The following ARHGEF5 variants were observed in gnomAD, a reference collection of about 807,000 sequenced individuals.
ARHGEF5 encodes Rho guanine nucleotide exchange factor (GEF) 5.
Under a neutral mutation model 104.0 loss-of-function variants are expected in ARHGEF5, and 11 were observed. The ratio of observed to expected loss-of-function variants is 0.11; its 90% confidence interval spans 0.07 to 0.18. The LOEUF (loss-of-function observed/expected upper bound fraction) is 0.18, where lower values mean the gene tolerates loss of function less well. Among genes scored for constraint, ARHGEF5 ranks in the 10% least tolerant of loss-of-function variants. The pLI, the probability that ARHGEF5 is intolerant of heterozygous loss-of-function variation, is 1.00. For missense variants in ARHGEF5, 165 were observed against 1,335.4 expected, an observed-to-expected ratio of 0.12 and a Z score of 13.66; for synonymous variants, 60 against 512.2, an observed-to-expected ratio of 0.12 and a Z score of 11.92.
intron 1 of ARHGEF5, among the ~76,000 whole-genome samples, chr7:144,360,016 G>A (rs1435382679): frequency 2.4e-5 from 3 of 125,462 alleles, no homozygotes; most frequent in Non-Finnish European, 5.2e-5. Flanking sequence ...TTTAGCAGAC[G>A]AGGTCAATAG....
chr7:144,377,315 G>A (rs1010125915), intron 13 of ARHGEF5, 125 bp downstream of exon 13: 1 of 1,517,632 alleles, frequency 6.6e-7, no homozygotes, highest in Non-Finnish European at 8.9e-7. Context: ...AAAATGTCAG[G>A]GTGGAAGATT....
At chr7:144,357,816 G>T (rs879608577) in intron 1 of ARHGEF5, among the ~76,000 whole-genome samples, 979 of 142,504 alleles carry the variant, frequency 6.9e-3, no homozygotes, top group Non-Finnish European at 0.011. Flanking sequence ...TCACACGTGG[G>T]TGAGGTTATG....
At chr7:144,377,269 G>A (rs1382528729) in intron 13 of ARHGEF5, 79 bp downstream of exon 13, 3 of 1,545,534 alleles carry the variant, frequency 1.9e-6, no homozygotes, top group Admixed American at 4.2e-5. Context: ...AAAGGGCTGG[G>A]TGGGAACTCT....
At chr7:144,361,120 C>T (rs1459861564) in intron 1 of ARHGEF5, among the ~76,000 whole-genome samples, 8 of 141,740 alleles carry the variant, frequency 5.6e-5, no homozygotes, top group Non-Finnish European at 1.1e-4. Flanking sequence ...CCCAGCTACT[C>T]GGGAGGCTGA....
At chr7:144,377,812 C>T (rs2053771920) in intron 13 of ARHGEF5, among the ~76,000 whole-genome samples, 1 of 152,166 alleles carries the variant, frequency 6.6e-6, no homozygotes. Context: ...CTACAAGGAA[C>T]CCTGGGAATG....
intron 1 of ARHGEF5, among the ~76,000 whole-genome samples, chr7:144,357,251 T>C (rs1357743585): frequency 3.2e-5 from 3 of 93,078 alleles, no homozygotes; most frequent in South Asian, 3.8e-4. Context: ...GATGAGATTG[T>C]AGAGTGTAAG....
At chr7:144,377,866 A>G (rs909911557) in intron 13 of ARHGEF5, among the ~76,000 whole-genome samples, 10 of 152,202 alleles carry the variant, frequency 6.6e-5, no homozygotes, top group African/African-American at 1.9e-4. Context: ...TAACTTGCTC[A>G]CTGTGCACTC....
chr7:144,373,945 G>A (rs2053741837), intron 10 of ARHGEF5, among the ~76,000 whole-genome samples: 1 of 124,960 alleles, frequency 8.0e-6, no homozygotes, highest in Non-Finnish European at 1.7e-5. Flanking sequence ...AGGTTCAAGC[G>A]ATTCTCATGC....
In ARHGEF5 at chr7:144,358,758, AGTGTGTGTGT is replaced by A. The variant is rs71222348; in HGVS notation, c.-13+3292_-13+3301del. ...TTGCAAGAGTTTGTAAGGATGGCTCAGTGTGTGTGTGTGTGTGTGTGTGTGTGTGTGTGTG... is the reference window on the plus strand; with the variant it reads ...TTGCAAGAGTTTGTAAGGATGGCTCAGTGTGTGTGTGTGTGTGTGTGTGTG... On this transcript the variant is annotated intron_variant, in intron 1 of 14. Transcript: ENST00000056217. Among the ~76,000 whole-genome samples the A allele has an allele frequency of 1.6e-3, 145 of 90,886 alleles. 9 individuals carry two copies. The Middle Eastern group carries it at 0.016, about 10-fold the overall frequency. The allele number at this position is 90,886 out of a possible 152,430, so 59.6% of individuals were successfully genotyped here.
chr7:144,375,899 C>A (rs529529465), intron 12 of ARHGEF5, among the ~76,000 whole-genome samples: 6 of 152,416 alleles, frequency 3.9e-5, no homozygotes, highest in African/African-American at 1.4e-4. Context: ...GGCTTAGCAT[C>A]TATTTTATAC....
chr7:144,379,818 A>G (rs1050929805), intron 14 of ARHGEF5, 81 bp from the exon 15 acceptor site: 67 of 1,564,324 alleles, frequency 4.3e-5, no homozygotes, highest in African/African-American at 6.8e-5. Flanking sequence ...GAGGATTCAG[A>G]AAACTCTCCA....
At chr7:144,358,758 AGTGT>A (rs71222348) in intron 1 of ARHGEF5, among the ~76,000 whole-genome samples, 4,757 of 90,342 alleles carry the variant, frequency 0.053, 262 homozygotes, top group African/African-American at 0.12. Context: ...AGGATGGCTC[AGTGT>A]GTGTGTGTGT....
intron 5 of ARHGEF5, among the ~76,000 whole-genome samples, chr7:144,370,773 CT>C (rs1219394677): frequency 6.9e-6 from 1 of 143,988 alleles, no homozygotes; most frequent in Non-Finnish European, 1.5e-5. Flanking sequence ...GTCTATTTAG[CT>C]TTTTTAATAT....
intron 13 of ARHGEF5, among the ~76,000 whole-genome samples, chr7:144,377,400 C>A (rs1371916365): frequency 6.6e-6 from 1 of 152,230 alleles, no homozygotes; most frequent in Admixed American, 6.5e-5. Context: ...CTTCCCCATA[C>A]ATTCCCTTCC....
intron 1 of ARHGEF5, among the ~76,000 whole-genome samples, chr7:144,361,238 A>G (rs1291333743): frequency 4.2e-3 from 27 of 6,370 alleles, no homozygotes; most frequent in South Asian, 0.026. Flanking sequence ...AAAAAAAAAA[A>G]AAAGAAAAGA....
rs1260854009 is a variant in ARHGEF5, at chr7:144,378,868, T to C, written c.4636+2T>C. On this transcript the variant is annotated splice_donor_variant, in intron 14 of 14. Transcript: ENST00000056217. LOFTEE classifies it high-confidence loss of function. ...TGGTGACTCAGCAGAGCAGTGACGG[T>C]AAGCGGGAGCATGCGTGAGCAGCAG... is the stretch of plus-strand genomic sequence containing the variant. The C allele has an allele frequency of 6.2e-7, 1 of 1,613,456 alleles. No homozygotes were observed. Among genetic ancestry groups the C allele is most frequent in the Admixed American group, 1.7e-5 (1 of 60,008 alleles).
chr7:144,378,932 C>A, intron 14 of ARHGEF5, 66 bp downstream of exon 14: 2 of 1,451,516 alleles, frequency 1.4e-6, no homozygotes, highest in Admixed American at 1.7e-5. Context: ...GGAGTGTGTT[C>A]ACTTCCTGCA....
chr7:144,373,325 C>T, intron 10 of ARHGEF5, 41 bp downstream of exon 10: 2 of 1,037,362 alleles, frequency 1.9e-6, no homozygotes, highest in Non-Finnish European at 2.9e-6. Context: ...CCATGAACTC[C>T]CTTAACATGT....
At position 144,363,299 on chromosome 7, in the gene ARHGEF5, G is replaced by A. The variant is rs750651276; in HGVS notation, c.630G>A (p.Leu210=). 20 of 1,592,708 alleles carry A rather than the reference G, an allele frequency of 1.3e-5. No homozygotes were observed. The Admixed American group carries it at 3.0e-4, about 24-fold the overall frequency. The change falls in exon 2 of 15, where the codon CTG becomes CTA. Residue 210 remains leucine (L), a synonymous_variant. Transcript: ENST00000056217. The part of the protein sequence containing the change: ...ESGTIRQGEE[L]PPEELQESQG... Reference sequence around the variant, plus strand: ...GGACTATCAGGCAGGGGGAAGAGCTGCCACCTGAGGAGCTGCAGGAAAGTC... The same window carrying A: ...GGACTATCAGGCAGGGGGAAGAGCTACCACCTGAGGAGCTGCAGGAAAGTC...
Sources: gnomAD v4.1 joint callset for allele counts (sites outside exome capture counted in the v4.1 genomes callset) on GRCh38, gnomAD v4.1.1 for gene constraint, MANE v1.5 for transcripts, NCBI Gene and HGNC (gene_info 2026-07-23, HGNC 2026-07-21) for gene names.